Variants in WWOX observed in about 807,000 individuals in gnomAD.
WWOX encodes WW domain-containing oxidoreductase.
WWOX carries 69 observed loss-of-function variants against 46.2 expected under a neutral mutation model. That is an observed-to-expected ratio of 1.49 (90% CI 1.23 to 1.82). The LOEUF (loss-of-function observed/expected upper bound fraction) is 1.82. WWOX is among the 40% of genes most tolerant of loss of function. WWOX has a pLI of 0.00. For synonymous variants in WWOX, 359 were observed against 202.6 expected (o/e 1.77, Z -6.56); for missense variants, 919 against 542.6 (o/e 1.69, Z -6.89).
intron 8 of WWOX, among the ~76,000 whole-genome samples, chr16:78,450,277 C>A (rs7204203): frequency 0.066 from 9,967 of 152,154 alleles, 508 homozygotes; most frequent in South Asian, 0.15. Context: ...ATGATGGGAT[C>A]TCTTGAATCA....
intron 8 of WWOX, among the ~76,000 whole-genome samples, chr16:78,886,646 A>ATATG (rs2044464700): frequency 6.7e-6 from 1 of 148,560 alleles, no homozygotes; most frequent in African/African-American, 2.5e-5. Flanking sequence ...AAACATATAT[A>ATATG]TATATATATA....
intron 8 of WWOX, among the ~76,000 whole-genome samples, chr16:79,057,499 T>G (rs1345485058): frequency 6.6e-6 from 1 of 152,198 alleles, no homozygotes; most frequent in South Asian, 2.1e-4. Flanking sequence ...ATTATTTCTG[T>G]TATATTTCCT....
rs188366301 is a variant in WWOX, at chr16:78,913,459, A to C, written c.1057-298149A>C. 2.8e-3 allele frequency among the ~76,000 whole-genome samples: 419 copies of C among 152,086 alleles called. 5 individuals are homozygous for C. Among genetic ancestry groups the C allele is most frequent in the Non-Finnish European group, 3.9e-3 (264 of 67,986 alleles). ...AAACCCTCACGGCTCTTTCCCCTGC[A>C]GTCTTGATGTGAACAAGCATGATGA... On this transcript the variant is annotated intron_variant, in intron 8 of 8. Coordinates refer to ENST00000566780, the MANE Select transcript of WWOX (RefSeq NM_016373.4).
chr16:79,106,419 C>T (rs1567554176), intron 8 of WWOX, among the ~76,000 whole-genome samples: 1 of 152,058 alleles, frequency 6.6e-6, no homozygotes, highest in Non-Finnish European at 1.5e-5. Flanking sequence ...CTAAATTCTA[C>T]TGACTTAATC....
intron 8 of WWOX, among the ~76,000 whole-genome samples, chr16:78,662,196 A>G (rs1015143797): frequency 6.6e-6 from 1 of 152,244 alleles, no homozygotes; most frequent in Non-Finnish European, 1.5e-5. Context: ...TGAATTGCCT[A>G]GTAAATAAGT....
rs113510084 is a variant in WWOX at position 78,924,851 on chromosome 16, C to G, written c.1057-286757C>G. On this transcript the variant is annotated intron_variant, in intron 8 of 8. Coordinates refer to ENST00000566780, the MANE Select transcript of WWOX (RefSeq NM_016373.4). ...AACATATGTGTGAAAATGCATATAT[C>G]CTTTATTAGGCTCTAGCACACAGTG... Among the ~76,000 whole-genome samples, 163 of 152,184 alleles carry G rather than the reference C, an allele frequency of 1.1e-3. 1 individual carries two copies. The highest frequency in any genetic ancestry group is 3.7e-3 in the African/African-American group (152 of 41,532).
chr16:78,612,140 G>C (rs1311756619), intron 8 of WWOX, among the ~76,000 whole-genome samples: 1 of 152,230 alleles, frequency 6.6e-6, no homozygotes, highest in African/African-American at 2.4e-5. Flanking sequence ...CTTTGGGCCA[G>C]AATTTGCTTA....
rs536916023 is a variant in WWOX, at chr16:78,698,679, C to A, written c.1056+265927C>A. Reference sequence around the variant, plus strand: ...AATTTTGTTATATCCATATGATAAACCTTAAGTATTCTTAAGCCAGGTGCA... The same window carrying A: ...AATTTTGTTATATCCATATGATAAAACTTAAGTATTCTTAAGCCAGGTGCA... On this transcript the variant is annotated intron_variant, in intron 8 of 8. Transcript: ENST00000566780. Among the ~76,000 whole-genome samples the A allele has an allele frequency of 3.8e-4, 58 of 152,176 alleles. No homozygotes were observed. In the South Asian group the frequency reaches 0.012, roughly 30 times the overall value.
chr16:78,997,979 C>A (rs542883753), intron 8 of WWOX, among the ~76,000 whole-genome samples: 1 of 152,202 alleles, frequency 6.6e-6, no homozygotes, highest in Admixed American at 6.5e-5. Flanking sequence ...TGGGTTCAAG[C>A]GATTCTCCTG....
intron 8 of WWOX, among the ~76,000 whole-genome samples, chr16:78,508,632 C>G (rs1454714260): frequency 6.6e-6 from 1 of 152,162 alleles, no homozygotes; most frequent in South Asian, 2.1e-4. Flanking sequence ...AATGATGTTG[C>G]TCATTTTTGA....
At chr16:78,153,200 A>G (rs1204195934) in intron 4 of WWOX, among the ~76,000 whole-genome samples, 6 of 152,194 alleles carry the variant, frequency 3.9e-5, no homozygotes. Flanking sequence ...AAACAGAGGT[A>G]TGGATTAGCT....
intron 8 of WWOX, among the ~76,000 whole-genome samples, chr16:78,434,069 G>A (rs931735604): frequency 6.6e-6 from 1 of 152,034 alleles, no homozygotes; most frequent in South Asian, 2.1e-4. Flanking sequence ...GATTACAGGC[G>A]TGAGCCACCG....
chr16:78,577,696 C>T (rs180750575), intron 8 of WWOX, among the ~76,000 whole-genome samples: 1 of 152,200 alleles, frequency 6.6e-6, no homozygotes, highest in Non-Finnish European at 1.5e-5. Context: ...TTCCCCAATT[C>T]ATAGCTCTGG....
At chr16:78,283,956 G>T (rs903465384) in intron 5 of WWOX, among the ~76,000 whole-genome samples, 3 of 152,148 alleles carry the variant, frequency 2.0e-5, no homozygotes, top group Non-Finnish European at 4.4e-5. Flanking sequence ...CCTCTGAAGG[G>T]TACAGTAACC....
chr16:78,999,210 C>T (rs2047047523), intron 8 of WWOX, among the ~76,000 whole-genome samples: 1 of 151,774 alleles, frequency 6.6e-6, no homozygotes, highest in South Asian at 2.1e-4. Context: ...GCGGGTCATA[C>T]CTGTAATCCC....
chr16:78,153,536 A>T (rs978133844), intron 4 of WWOX, among the ~76,000 whole-genome samples: 1 of 151,912 alleles, frequency 6.6e-6, no homozygotes, highest in African/African-American at 2.4e-5. Flanking sequence ...GAGGGAGAGG[A>T]TGTGTGCTGG....
chr16:78,732,238 G>C (rs563514200), intron 8 of WWOX, among the ~76,000 whole-genome samples: 28 of 152,192 alleles, frequency 1.8e-4, no homozygotes, highest in African/African-American at 6.3e-4. Context: ...GCAGACTCTT[G>C]AAGTTAGGTC....
chr16:78,576,753 C>T (rs917732760), intron 8 of WWOX, among the ~76,000 whole-genome samples: 1 of 152,122 alleles, frequency 6.6e-6, no homozygotes. Context: ...ATTTCTTAAG[C>T]CCAGAAGATT....
At chr16:78,689,973 A>G (rs1597449355) in intron 8 of WWOX, among the ~76,000 whole-genome samples, 2 of 151,912 alleles carry the variant, frequency 1.3e-5, no homozygotes, top group South Asian at 2.1e-4. Flanking sequence ...TGATTCTCCT[A>G]CCTCAGCCTC....
Sources: allele counts gnomAD v4.1 joint callset (sites outside exome capture counted in the v4.1 genomes callset), GRCh38; gene constraint gnomAD v4.1.1; transcripts MANE v1.5; gene names NCBI Gene and HGNC (gene_info 2026-07-23, HGNC 2026-07-21).